Variants in SGCZ observed in about 807,000 individuals in gnomAD.
The protein encoded by SGCZ is sarcoglycan zeta.
Under a neutral mutation model 41.3 loss-of-function variants are expected in SGCZ, and 40 were observed. The observed-to-expected ratio is 0.97, with a 90% CI of 0.75 to 1.26. The LOEUF is 1.26. SGCZ is among the 50% of genes most tolerant of loss of function. The pLI, the probability that SGCZ is intolerant of heterozygous loss-of-function variation, is 0.00. For synonymous variants in SGCZ, 206 were observed against 137.5 expected (o/e 1.50, Z -3.49); for missense variants, 552 against 369.8 (o/e 1.49, Z -4.04).
At chr8:14,408,948 A>ACTGTGT (rs1554513885) in intron 2 of SGCZ, among the ~76,000 whole-genome samples, 8 of 112,128 alleles carry the variant, frequency 7.1e-5, no homozygotes, top group African/African-American at 2.5e-4. Flanking sequence ...TTTTAAATTA[A>ACTGTGT]GAGAGTGTGT....
intron 4 of SGCZ, among the ~76,000 whole-genome samples, chr8:14,230,763 T>TTGG (rs1554483192): frequency 7.9e-6 from 1 of 126,698 alleles, no homozygotes; most frequent in Non-Finnish European, 1.8e-5. Context: ...TTTTTGGTGG[T>TTGG]GGTGGGGGGG....
At chr8:14,299,481 C>A (rs555665204) in intron 3 of SGCZ, among the ~76,000 whole-genome samples, 1 of 151,602 alleles carries the variant, frequency 6.6e-6, no homozygotes, top group Admixed American at 6.6e-5. Context: ...ACACAAAATC[C>A]AATAATAATG....
chr8:14,290,832 C>G (rs1370981811), intron 3 of SGCZ, among the ~76,000 whole-genome samples: 2 of 152,066 alleles, frequency 1.3e-5, no homozygotes, highest in African/African-American at 4.8e-5. Flanking sequence ...AACCATACCA[C>G]TACTGCATAT....
At chr8:14,825,663 T>C (rs1191216504) in intron 1 of SGCZ, among the ~76,000 whole-genome samples, 2 of 152,162 alleles carry the variant, frequency 1.3e-5, no homozygotes, top group Admixed American at 1.3e-4. Flanking sequence ...AACTTGCTTA[T>C]CTTACAACTG....
At chr8:15,032,768 G>A (rs987444113) in intron 1 of SGCZ, among the ~76,000 whole-genome samples, 4 of 152,182 alleles carry the variant, frequency 2.6e-5, no homozygotes, top group Admixed American at 2.6e-4. Context: ...CGTCAGGCCT[G>A]CCCTAGTACC....
At chr8:14,687,503 G>C (rs936175872) in intron 1 of SGCZ, among the ~76,000 whole-genome samples, 3 of 151,732 alleles carry the variant, frequency 2.0e-5, no homozygotes. Flanking sequence ...TTTCATCCAT[G>C]TCCCTACAAA....
intron 1 of SGCZ, among the ~76,000 whole-genome samples, chr8:15,092,380 T>A (rs1806186517): frequency 6.6e-6 from 1 of 152,214 alleles, no homozygotes; most frequent in Admixed American, 6.5e-5. Context: ...AATAGTTACA[T>A]ATAAATGTGT....
At chr8:14,888,371 G>C (rs1804889326) in intron 1 of SGCZ, among the ~76,000 whole-genome samples, 1 of 152,110 alleles carries the variant, frequency 6.6e-6, no homozygotes, top group Non-Finnish European at 1.5e-5. Context: ...CCATACGTGA[G>C]AAGCTTTGCC....
At chr8:15,019,414 T>G (rs1803166863) in intron 1 of SGCZ, among the ~76,000 whole-genome samples, 1 of 152,112 alleles carries the variant, frequency 6.6e-6, no homozygotes, top group Non-Finnish European at 1.5e-5. Context: ...ACAGGATATG[T>G]TAGGCTGATT....
chr8:14,803,644 G>T (rs1343436543), intron 1 of SGCZ, among the ~76,000 whole-genome samples: 1 of 152,106 alleles, frequency 6.6e-6, no homozygotes, highest in Non-Finnish European at 1.5e-5. Context: ...TGGCAGTGAG[G>T]CTGGGGGAGG....
chr8:15,103,802 A>T (rs1343390967), intron 1 of SGCZ, among the ~76,000 whole-genome samples: 1 of 152,152 alleles, frequency 6.6e-6, no homozygotes, highest in Non-Finnish European at 1.5e-5. Flanking sequence ...AGAGAAAGAA[A>T]CATGAAGAAA....
At chr8:15,108,595 T>C (rs1806925502) in intron 1 of SGCZ, among the ~76,000 whole-genome samples, 1 of 152,188 alleles carries the variant, frequency 6.6e-6, no homozygotes, top group African/African-American at 2.4e-5. Context: ...TAAGAGTTTT[T>C]AGAAAGTACA....
chr8:15,101,180 C>T (rs189012923), intron 1 of SGCZ, among the ~76,000 whole-genome samples: 32 of 152,184 alleles, frequency 2.1e-4, no homozygotes, highest in Admixed American at 6.5e-4. Context: ...TCCAGGTGAC[C>T]TTGAGATTGG....
chr8:14,454,695 T>C (rs1344599965), intron 2 of SGCZ, among the ~76,000 whole-genome samples: 1 of 152,032 alleles, frequency 6.6e-6, no homozygotes, highest in Non-Finnish European at 1.5e-5. Flanking sequence ...AATAGACCAG[T>C]GAAATAGAAT....
chr8:14,664,266 T>A (rs921545236), intron 1 of SGCZ, among the ~76,000 whole-genome samples: 45 of 152,262 alleles, frequency 3.0e-4, no homozygotes, highest in African/African-American at 1.1e-3. Context: ...AAGATGGGAA[T>A]GTACAAAACA....
intron 1 of SGCZ, among the ~76,000 whole-genome samples, chr8:14,695,385 C>T (rs1585188884): frequency 6.6e-6 from 1 of 152,132 alleles, no homozygotes; most frequent in East Asian, 1.9e-4. Flanking sequence ...ATATTAAATG[C>T]ATGTAAAATA....
At chr8:14,936,014 T>C (rs1415763059) in intron 1 of SGCZ, among the ~76,000 whole-genome samples, 1 of 151,904 alleles carries the variant, frequency 6.6e-6, no homozygotes, top group Non-Finnish European at 1.5e-5. Context: ...AATGATCGAT[T>C]CACTAAGATA....
chr8:14,418,112 C>A (rs973922020), intron 2 of SGCZ, among the ~76,000 whole-genome samples: 11 of 151,892 alleles, frequency 7.2e-5, no homozygotes, highest in African/African-American at 2.7e-4. Flanking sequence ...GACACACGCC[C>A]TGCCTTCACT....
At position 14,086,778 on chromosome 8, in the gene SGCZ, G is replaced by T. The variant is rs542196609; in HGVS notation, c.*3665C>A. 2.0e-5 allele frequency among the ~76,000 whole-genome samples: 3 copies of T among 150,074 alleles called. No individual in the cohort carries two copies. The highest frequency in any genetic ancestry group is 1.3e-4 in the Admixed American group (2 of 15,094). ...GCATAGGAAGTAGCGTGCCAAAAAG[G>T]TTTGTATTTCAACTTTTATAAGCAG... On this transcript the variant is annotated 3_prime_UTR_variant, in exon 8 of 8. Coordinates refer to ENST00000382080, the MANE Select transcript of SGCZ (RefSeq NM_139167.4).
Sources: allele counts gnomAD v4.1 joint callset (sites outside exome capture counted in the v4.1 genomes callset), GRCh38; gene constraint gnomAD v4.1.1; transcripts MANE v1.5; gene names NCBI Gene and HGNC (gene_info 2026-07-23, HGNC 2026-07-21).